The following SPAG16 variants were observed in gnomAD, a reference collection of about 807,000 sequenced individuals.
The protein encoded by SPAG16 is sperm-associated antigen 16 protein.
Under a neutral mutation model 80.4 loss-of-function variants are expected in SPAG16, and 86 were observed. The observed-to-expected ratio is 1.07, with a 90% CI of 0.90 to 1.28. SPAG16 has a LOEUF of 1.28. Ranked by LOEUF, SPAG16 falls within the 50% of genes most tolerant of loss-of-function variation. The pLI, the probability that SPAG16 is intolerant of heterozygous loss-of-function variation, is 0.00. For missense variants in SPAG16, 870 were observed against 765.3 expected (o/e 1.14, Z -1.61); for synonymous variants, 294 against 265.9 (o/e 1.11, Z -1.03).
rs537759189 is a variant in SPAG16, at chr2:213,445,057, C to A, written c.943-44906C>A. The stretch of plus-strand genomic sequence containing the variant: ...AATATCCATATGCAGAAGAATGAAA[C>A]CGGACCCCTGTCTCTCACCATATAT... On this transcript the variant is annotated intron_variant, in intron 9 of 15. Coordinates refer to ENST00000331683, the MANE Select transcript of SPAG16 (RefSeq NM_024532.5). Among the ~76,000 whole-genome samples the A allele has an allele frequency of 1.7e-3, 263 of 152,160 alleles. 1 individual carries two copies. The highest frequency in any genetic ancestry group is 2.9e-3 in the Non-Finnish European group (197 of 67,986).
intron 10 of SPAG16, among the ~76,000 whole-genome samples, chr2:213,526,141 T>C (rs1575840070): frequency 6.6e-6 from 1 of 152,146 alleles, no homozygotes; most frequent in Non-Finnish European, 1.5e-5. Context: ...GCTTAAATCA[T>C]CACACACTTC....
chr2:213,353,238 T>C (rs1295482606), intron 7 of SPAG16, among the ~76,000 whole-genome samples: 1 of 152,208 alleles, frequency 6.6e-6, no homozygotes, highest in East Asian at 1.9e-4. Flanking sequence ...TGCCACAATA[T>C]CTGTGAACTC....
At chr2:214,382,788 A>G (rs2126111163) in intron 15 of SPAG16, among the ~76,000 whole-genome samples, 1 of 152,242 alleles carries the variant, frequency 6.6e-6, no homozygotes, top group African/African-American at 2.4e-5. Context: ...TTTTCTTTTG[A>G]GAGTGATGGA....
intron 5 of SPAG16, among the ~76,000 whole-genome samples, chr2:213,320,290 A>C (rs2126144935): frequency 6.6e-6 from 1 of 152,114 alleles, no homozygotes; most frequent in African/African-American, 2.4e-5. Context: ...TATCAAATAC[A>C]TTTGTACATA....
intron 15 of SPAG16, among the ~76,000 whole-genome samples, chr2:214,347,466 C>A (rs1698129778): frequency 6.6e-6 from 1 of 151,986 alleles, no homozygotes; most frequent in East Asian, 1.9e-4. Context: ...TGGGCATTAC[C>A]AGTAAAATAT....
chr2:214,090,012 C>T (rs2052065491), intron 13 of SPAG16, among the ~76,000 whole-genome samples: 1 of 151,990 alleles, frequency 6.6e-6, no homozygotes, highest in African/African-American at 2.4e-5. Flanking sequence ...GTTTACACTG[C>T]TATCCTAGAG....
chr2:214,393,114 A>G (rs1356629239), intron 15 of SPAG16, among the ~76,000 whole-genome samples: 6 of 152,174 alleles, frequency 3.9e-5, no homozygotes, highest in Non-Finnish European at 8.8e-5. Context: ...CATGTCATAT[A>G]TTTTCTCAAC....
intron 13 of SPAG16, among the ~76,000 whole-genome samples, chr2:214,059,747 ATT>A (rs11313038): frequency 0.12 from 17,734 of 148,272 alleles, 1,277 homozygotes; most frequent in Admixed American, 0.18. Flanking sequence ...CTTTAAGGTT[ATT>A]TTTTTTTTTG....
intron 12 of SPAG16, among the ~76,000 whole-genome samples, chr2:213,999,312 G>A (rs1476457773): frequency 6.6e-6 from 1 of 152,222 alleles, no homozygotes; most frequent in Non-Finnish European, 1.5e-5. Flanking sequence ...AGGGTCCAAT[G>A]TAGAGCTTGG....
chr2:213,647,774 C>T (rs1453018395), intron 10 of SPAG16, among the ~76,000 whole-genome samples: 2 of 152,160 alleles, frequency 1.3e-5, no homozygotes, highest in Non-Finnish European at 2.9e-5. Context: ...ACCATGGACC[C>T]TATATCACCA....
chr2:214,177,922 T>TATATATATATATATATATATATATATAC (rs1553519951), intron 15 of SPAG16, among the ~76,000 whole-genome samples: 1 of 133,262 alleles, frequency 7.5e-6, no homozygotes, highest in Non-Finnish European at 1.6e-5. Flanking sequence ...TATACATATA[T>TATATATATATATATATATATATATATAC]ATATATATAT....
intron 8 of SPAG16, among the ~76,000 whole-genome samples, chr2:213,369,929 T>C (rs560440748): frequency 6.6e-6 from 1 of 152,268 alleles, no homozygotes; most frequent in East Asian, 1.9e-4. Context: ...ATAGTTTACA[T>C]TAGGGTTCAC....
chr2:214,366,484 TG>T, intron 15 of SPAG16, among the ~76,000 whole-genome samples: 1 of 152,180 alleles, frequency 6.6e-6, no homozygotes. Flanking sequence ...CAGTGTAAAG[TG>T]ATGGTTTAAA....
At chr2:213,980,712 G>GTATATATATATA (rs1553686607) in intron 12 of SPAG16, among the ~76,000 whole-genome samples, 2 of 113,996 alleles carry the variant, frequency 1.8e-5, no homozygotes, top group African/African-American at 3.8e-5. Flanking sequence ...GTGTGTGTGT[G>GTATATATATATA]TATATATATA....
intron 10 of SPAG16, among the ~76,000 whole-genome samples, chr2:213,747,289 A>T (rs1217030349): frequency 6.6e-6 from 1 of 152,260 alleles, no homozygotes; most frequent in Non-Finnish European, 1.5e-5. Context: ...TTTCAAAAGA[A>T]CAAAACAGAT....
intron 15 of SPAG16, among the ~76,000 whole-genome samples, chr2:214,250,757 T>TATAGAGAGAGAGAGAG (rs1475343777): frequency 3.3e-5 from 3 of 91,284 alleles, no homozygotes; most frequent in African/African-American, 1.2e-4. Flanking sequence ...TATATATATA[T>TATAGAGAGAGAGAGAG]AGAGAGAGAG....
At chr2:214,265,195 G>C (rs1418243827) in intron 15 of SPAG16, among the ~76,000 whole-genome samples, 1 of 152,096 alleles carries the variant, frequency 6.6e-6, no homozygotes, top group African/African-American at 2.4e-5. Context: ...TTGCCAAAGT[G>C]GATGTACAAA....
chr2:213,509,566 C>T (rs1001268998), intron 10 of SPAG16, among the ~76,000 whole-genome samples: 10 of 152,212 alleles, frequency 6.6e-5, no homozygotes, highest in African/African-American at 1.2e-4. Flanking sequence ...CCAAAATGTA[C>T]GGGATATAAT....
At chr2:213,919,511 C>A (rs1226097943) in intron 11 of SPAG16, among the ~76,000 whole-genome samples, 1 of 152,176 alleles carries the variant, frequency 6.6e-6, no homozygotes, top group Non-Finnish European at 1.5e-5. Flanking sequence ...TTTCAAATAA[C>A]TTCTTACTTC....
Sources: allele counts gnomAD v4.1 joint callset (sites outside exome capture counted in the v4.1 genomes callset), GRCh38; gene constraint gnomAD v4.1.1; transcripts MANE v1.5; gene names NCBI Gene and HGNC (gene_info 2026-07-23, HGNC 2026-07-21).